The following SMURF1 variants were observed in gnomAD, a reference collection of about 807,000 sequenced individuals.
The protein encoded by SMURF1 is E3 ubiquitin-protein ligase SMURF1.
Under a neutral mutation model 98.0 loss-of-function variants are expected in SMURF1, and 44 were observed. The ratio of observed to expected loss-of-function variants is 0.45; its 90% CI spans 0.35 to 0.58. The LOEUF (loss-of-function observed/expected upper bound fraction) is 0.58, where lower values mean the gene tolerates loss of function less well. SMURF1 is among the 20% of genes least tolerant of loss of function. The pLI, the probability that SMURF1 is intolerant of heterozygous loss-of-function variation, is 0.00. For synonymous variants in SMURF1, 396 were observed against 374.9 expected, an observed-to-expected ratio of 1.06 and a Z score of -0.65; for missense variants, 687 against 938.4, an observed-to-expected ratio of 0.73 and a Z score of 3.50.
At position 99,086,490 on chromosome 7, in the gene SMURF1, A is replaced by G. The variant is rs546975720; in HGVS notation, c.56-24653T>C. Among the ~76,000 whole-genome samples the G allele has an allele frequency of 2.0e-5, 3 of 152,334 alleles. No individual in the cohort carries two copies. The East Asian group carries it at 5.8e-4, about 29-fold the overall frequency. On this transcript the variant is annotated intron_variant, in intron 1 of 17. Transcript: ENST00000361368. Reference sequence around the variant, plus strand: ...ATGTAAAATGGTGCCACCACTTTGGAAAACAAGTTGGCAGTTGTTCAAAAT... The same window carrying G: ...ATGTAAAATGGTGCCACCACTTTGGGAAACAAGTTGGCAGTTGTTCAAAAT...
intron 3 of SMURF1, among the ~76,000 whole-genome samples, chr7:99,060,003 C>T (rs981636759): frequency 2.6e-5 from 4 of 152,026 alleles, no homozygotes; most frequent in African/African-American, 9.7e-5. Flanking sequence ...CAAACTATGG[C>T]CTTTTTTTCT....
At chr7:99,058,192 C>T (rs984876668) in intron 3 of SMURF1, among the ~76,000 whole-genome samples, 8 of 151,964 alleles carry the variant, frequency 5.3e-5, no homozygotes, top group Admixed American at 1.3e-4. Flanking sequence ...AGTGCAATGG[C>T]GCAGTGTTAG....
intron 1 of SMURF1, among the ~76,000 whole-genome samples, chr7:99,124,730 C>G (rs1471048134): frequency 5.3e-5 from 8 of 151,992 alleles, no homozygotes; most frequent in African/African-American, 1.9e-4. Flanking sequence ...ACTAGTACTT[C>G]TAAGAAGGTT....
intron 6 of SMURF1, among the ~76,000 whole-genome samples, chr7:99,053,886 A>G (rs1563007416): frequency 6.6e-6 from 1 of 152,068 alleles, no homozygotes; most frequent in South Asian, 2.1e-4. Flanking sequence ...TATGAACCCA[A>G]AGATTTTTAA....
At chr7:99,088,890 C>A (rs892318564) in intron 1 of SMURF1, among the ~76,000 whole-genome samples, 1 of 151,922 alleles carries the variant, frequency 6.6e-6, no homozygotes, top group Admixed American at 6.6e-5. Flanking sequence ...CATGGTGAAA[C>A]CCTATCTCTA....
At chr7:99,108,611 C>CAAAAAAAAAAAAAA (rs11458541) in intron 1 of SMURF1, among the ~76,000 whole-genome samples, 7 of 58,556 alleles carry the variant, frequency 1.2e-4, no homozygotes, top group African/African-American at 3.1e-4. Context: ...AACTCTGTCT[C>CAAAAAAAAAAAAAA]AAAAAAAAAA....
At chr7:99,135,424 G>A (rs1433983748) in intron 1 of SMURF1, among the ~76,000 whole-genome samples, 5 of 151,998 alleles carry the variant, frequency 3.3e-5, no homozygotes, top group Admixed American at 1.3e-4. Flanking sequence ...TCTTTCAGTC[G>A]TATTCTATAC....
At chr7:99,058,005 C>T (rs996204325) in intron 3 of SMURF1, among the ~76,000 whole-genome samples, 1 of 152,074 alleles carries the variant, frequency 6.6e-6, no homozygotes, top group Admixed American at 6.6e-5. Flanking sequence ...TTAATAAATA[C>T]GTATCCATTA....
Position 99,057,403 on chromosome 7 carries a change from G to GA in SMURF1, c.337+14_337+15insT. On this transcript the variant is annotated intron_variant, in intron 4 of 17. Transcript: ENST00000361368. ...TTTGGTTGCATTAAGAGGCAGGAAA[G>GA]TGTTTGGTTCTTACATCCGGTATCT... 6.2e-7 allele frequency: 1 copy of GA among 1,612,644 alleles called. No individual in the cohort carries two copies.
At position 99,054,706 on chromosome 7, in the gene SMURF1, TAAG is replaced by T. The variant is rs1795838565; in HGVS notation, c.479+81_479+83del. The stretch of plus-strand genomic sequence containing the variant: ...ATCTCAAGCATTCTGCAGAGTGACT[TAAG>T]GAGGGAAGGGCGCTTTCCTATAGGC... On this transcript the variant is annotated intron_variant, in intron 6 of 17. Coordinates refer to ENST00000361368, the MANE Select transcript of SMURF1 (RefSeq NM_181349.3). 7 of 1,133,818 alleles carry T rather than the reference TAAG, an allele frequency of 6.2e-6. No homozygotes were observed. The Middle Eastern group carries it at 9.4e-4, about 152-fold the overall frequency. 70.2% of individuals were successfully genotyped at this position (1,133,818 alleles called of 1,614,324 possible).
rs1795780081 is a variant in SMURF1, at chr7:99,052,410, G to T, written c.516C>A (p.Leu172=). 1 of 1,597,456 alleles carries T rather than the reference G, an allele frequency of 6.3e-7. No homozygotes were observed. Among genetic ancestry groups the T allele is most frequent in the Non-Finnish European group, 8.5e-7 (1 of 1,170,518 alleles). ...GGGCTGGTTCCTCCATGAAGCAGCTGAGCGGCCTCCCAGGCCCGGAGTCTT... is the reference window on the plus strand; with the variant it reads ...GGGCTGGTTCCTCCATGAAGCAGCTTAGCGGCCTCCCAGGCCCGGAGTCTT... ...VYEDSGPGRP[L]SCFMEEPAPY... is the part of the protein sequence containing the mutation. Residue 172 remains leucine (L), a synonymous_variant, in exon 7 of 18, where the codon CTC becomes CTA. Coordinates refer to ENST00000361368, the MANE Select transcript of SMURF1 (RefSeq NM_181349.3).
chr7:99,035,162 G>A (rs1251724779), intron 16 of SMURF1, among the ~76,000 whole-genome samples: 1 of 152,190 alleles, frequency 6.6e-6, no homozygotes, highest in African/African-American at 2.4e-5. Context: ...ACTGAGACTG[G>A]GGGCGGTTCC....
chr7:99,103,164 T>C (rs1019751073), intron 1 of SMURF1, among the ~76,000 whole-genome samples: 1 of 152,136 alleles, frequency 6.6e-6, no homozygotes, highest in Non-Finnish European at 1.5e-5. Context: ...ATCAATGTGG[T>C]TTCAGATTCT....
Position 99,040,284 on chromosome 7 carries a change from TACAC to T in SMURF1, c.1550+90_1550+93del, listed in dbSNP as rs376005010. 6.6e-5 allele frequency: 82 copies of T among 1,251,446 alleles called. No homozygotes were observed. In the South Asian group the frequency reaches 1.5e-3, roughly 23 times the overall value. The allele number at this position is 1,251,446 out of a possible 1,614,324, so 77.5% of individuals were successfully genotyped here. A position where few individuals can be genotyped will look rare whatever the true frequency, so the allele number is the denominator to read the frequency against. ...AATGGCTTCACACACATCCCCAAAA[TACAC>T]ACACACGCGCGCGCGCGCGCACGCG... On this transcript the variant is annotated intron_variant, in intron 13 of 17. Coordinates refer to ENST00000361368, the MANE Select transcript of SMURF1 (RefSeq NM_181349.3).
intron 13 of SMURF1, among the ~76,000 whole-genome samples, chr7:99,038,982 A>G (rs1795263373): frequency 6.6e-6 from 1 of 152,024 alleles, no homozygotes; most frequent in East Asian, 1.9e-4. Flanking sequence ...TTACGAGGTC[A>G]GGAGATTGAG....
At chr7:99,093,763 A>C (rs1360719535) in intron 1 of SMURF1, among the ~76,000 whole-genome samples, 2 of 152,054 alleles carry the variant, frequency 1.3e-5, no homozygotes, top group Non-Finnish European at 2.9e-5. Context: ...TTTTCTATAT[A>C]TATATAATTT....
At chr7:99,034,432 G>A (rs1034780896) in intron 16 of SMURF1, among the ~76,000 whole-genome samples, 15 of 152,136 alleles carry the variant, frequency 9.9e-5, no homozygotes, top group African/African-American at 2.2e-4. Flanking sequence ...AGACAATGGC[G>A]CCATGAGAAA....
intron 1 of SMURF1, among the ~76,000 whole-genome samples, chr7:99,117,743 G>T (rs1208160379): frequency 1.3e-5 from 2 of 152,084 alleles, no homozygotes; most frequent in Non-Finnish European, 2.9e-5. Flanking sequence ...CCCATAAAAT[G>T]GGAGAAAATA....
chr7:99,066,456 A>C (rs1237510943), intron 1 of SMURF1, among the ~76,000 whole-genome samples: 4 of 152,198 alleles, frequency 2.6e-5, no homozygotes, highest in African/African-American at 7.2e-5. Context: ...AAAGTGCGGA[A>C]AGGTCTCAGC....
Sources: allele counts gnomAD v4.1 joint callset (sites outside exome capture counted in the v4.1 genomes callset), GRCh38; gene constraint gnomAD v4.1.1; transcripts MANE v1.5; gene names NCBI Gene and HGNC (gene_info 2026-07-23, HGNC 2026-07-21).